The following NAA11 variants were observed in gnomAD, a reference collection of about 807,000 sequenced individuals.
The protein encoded by NAA11 is N-alpha-acetyltransferase 11, NatA catalytic subunit.
A neutral mutation model predicts 16.1 loss-of-function variants in NAA11; 15 were observed. The observed-to-expected ratio is 0.93, with a 90% CI of 0.62 to 1.44. The LOEUF (loss-of-function observed/expected upper bound fraction) is 1.44. NAA11 is among the 40% of genes most tolerant of loss of function. The probability of loss-of-function intolerance (pLI) is 0.00; values close to 1 mark genes in which losing one functional copy is unlikely to be tolerated. For synonymous variants in NAA11, 122 were observed against 112.4 expected, an observed-to-expected ratio of 1.09 and a Z score of -0.54; for missense variants, 298 against 291.3, an observed-to-expected ratio of 1.02 and a Z score of -0.17.
chr4:79,236,368 A>T (rs1446753428), intron 2 of NAA11, among the ~76,000 whole-genome samples: 1 of 152,086 alleles, frequency 6.6e-6, no homozygotes, highest in Non-Finnish European at 1.5e-5. Context: ...AACTCTATGA[A>T]TATAAATAAG....
At chr4:79,212,686 CG>C in the NAA11 span, among the ~76,000 whole-genome samples, 14 of 152,052 alleles carry the variant, frequency 9.2e-5, no homozygotes, top group South Asian at 2.7e-3. Context: ...TTCATAGTCA[CG>C]TAACTTATAA....
chr4:79,204,453 C>G, the NAA11 span, among the ~76,000 whole-genome samples: 1 of 151,690 alleles, frequency 6.6e-6, no homozygotes, highest in Non-Finnish European at 1.5e-5. Flanking sequence ...TGTGTGCCCC[C>G]AAAATTCATA....
Position 79,246,237 on chromosome 4 carries a change from G to A in NAA11, c.*123-19967C>T, listed in dbSNP as rs184655733. The stretch of plus-strand genomic sequence containing the variant: ...AAGTACCCAGGGACACAAACACTGC[G>A]GAAGGCTGCAGGGTCCTCTGCCTAG... On this transcript the variant is annotated intron_variant and NMD_transcript_variant, in intron 2 of 2. Transcript: ENST00000511542. Among the ~76,000 whole-genome samples, 447 of 152,082 alleles carry A rather than the reference G, an allele frequency of 2.9e-3. 1 individual carries two copies. The highest frequency in any genetic ancestry group is 0.01 in the African/African-American group (415 of 41,462).
chr4:79,178,374 A>G, the NAA11 span, among the ~76,000 whole-genome samples: 2 of 152,226 alleles, frequency 1.3e-5, no homozygotes, highest in Non-Finnish European at 2.9e-5. Context: ...TTCTCCAGAG[A>G]ATATGAGAAT....
At chr4:79,298,741 C>G (rs1448587158) in intron 1 of NAA11, among the ~76,000 whole-genome samples, 2 of 152,232 alleles carry the variant, frequency 1.3e-5, no homozygotes, top group Admixed American at 6.5e-5. Context: ...GTGGTATGAG[C>G]CGAGTGCAGC....
At chr4:79,184,294 G>T in the NAA11 span, among the ~76,000 whole-genome samples, 1 of 152,164 alleles carries the variant, frequency 6.6e-6, no homozygotes. Flanking sequence ...TGTCAAGGAG[G>T]TTTTAAAAAT....
chr4:79,297,418 G>A (rs1371941503), intron 1 of NAA11, among the ~76,000 whole-genome samples: 2 of 152,180 alleles, frequency 1.3e-5, no homozygotes, highest in African/African-American at 4.8e-5. Context: ...CACACTCCAT[G>A]GAGTGGGCGA....
chr4:79,324,002 CAAAAAA>C (rs35787469), intron 1 of NAA11, among the ~76,000 whole-genome samples: 1 of 118,150 alleles, frequency 8.5e-6, no homozygotes. Flanking sequence ...GACTCTGTCT[CAAAAAA>C]AAAAAAAAAA....
intron 2 of NAA11, among the ~76,000 whole-genome samples, chr4:79,236,855 T>C (rs1721581980): frequency 6.6e-6 from 1 of 152,112 alleles, no homozygotes; most frequent in African/African-American, 2.4e-5. Flanking sequence ...ATTGTATTGG[T>C]CATAATGGTG....
At chr4:79,196,294 A>G in the NAA11 span, among the ~76,000 whole-genome samples, 6 of 152,106 alleles carry the variant, frequency 3.9e-5, no homozygotes, top group Non-Finnish European at 8.8e-5. Flanking sequence ...TGAAGCCCCT[A>G]TAGACACCCA....
the NAA11 span, among the ~76,000 whole-genome samples, chr4:79,218,654 G>A: frequency 1.2e-4 from 18 of 151,924 alleles, no homozygotes; most frequent in African/African-American, 4.3e-4. Context: ...CCTCAATTCC[G>A]CTATTTTTTA....
intron 1 of NAA11, among the ~76,000 whole-genome samples, chr4:79,320,449 A>T (rs541043078): frequency 6.6e-6 from 1 of 152,274 alleles, no homozygotes; most frequent in East Asian, 1.9e-4. Context: ...TGACTCATTT[A>T]ATCTTCTCAA....
rs1231163865 is a variant in NAA11, at chr4:79,317,347, A to C, written c.*457T>G. On this transcript the variant is annotated 3_prime_UTR_variant, in exon 2 of 2. Transcript: ENST00000286794. ...GGAAGAGGGCATGAGGTCTGACTTCATGGTCCTGACTACTTCACCTCCTCA... is the reference window on the plus strand; with the variant it reads ...GGAAGAGGGCATGAGGTCTGACTTCCTGGTCCTGACTACTTCACCTCCTCA... The C allele has an allele frequency of 6.6e-6, 1 of 152,244 alleles. No homozygotes were observed. The allele number at this position is 152,244 out of a possible 1,614,324, so 9.4% of individuals were successfully genotyped here. A position where few individuals can be genotyped will look rare whatever the true frequency, so the allele number is the denominator to read the frequency against.
chr4:79,324,963 A>G (rs1393041113), intron 1 of NAA11, among the ~76,000 whole-genome samples: 1 of 152,186 alleles, frequency 6.6e-6, no homozygotes, highest in East Asian at 1.9e-4. Context: ...AAATTAATCT[A>G]CTTTCAGCAT....
the NAA11 span, among the ~76,000 whole-genome samples, chr4:79,157,898 ATTT>A: frequency 3.2e-5 from 4 of 125,990 alleles, no homozygotes; most frequent in Non-Finnish European, 1.7e-5. Context: ...ATTGCTGATG[ATTT>A]TTTTTTTTTT....
chr4:79,162,135 T>C, the NAA11 span, among the ~76,000 whole-genome samples: 5 of 152,250 alleles, frequency 3.3e-5, no homozygotes, highest in African/African-American at 1.2e-4. Context: ...TGTTTATTGC[T>C]AGTATGTAGA....
intron 2 of NAA11, among the ~76,000 whole-genome samples, chr4:79,270,309 T>C (rs1268734018): frequency 6.6e-6 from 1 of 151,860 alleles, no homozygotes; most frequent in Non-Finnish European, 1.5e-5. Context: ...ACACATACAC[T>C]CTCCCAAGAC....
chr4:79,162,908 T>C, the NAA11 span, among the ~76,000 whole-genome samples: 6 of 152,224 alleles, frequency 3.9e-5, no homozygotes, highest in Admixed American at 3.9e-4. Context: ...GGAAGTATTT[T>C]TCATATATTA....
chr4:79,211,369 A>G, the NAA11 span, among the ~76,000 whole-genome samples: 3 of 152,230 alleles, frequency 2.0e-5, no homozygotes, highest in Non-Finnish European at 4.4e-5. Context: ...CACAGTAGTT[A>G]TTCCCAGCTG....
Sources: allele counts gnomAD v4.1 joint callset (sites outside exome capture counted in the v4.1 genomes callset), GRCh38; gene constraint gnomAD v4.1.1; transcripts MANE v1.5; gene names NCBI Gene and HGNC (gene_info 2026-07-23, HGNC 2026-07-21).